The following PAXIP1 variants were observed in gnomAD, a reference collection of about 807,000 sequenced individuals.
PAXIP1 encodes the protein PAX-interacting protein 1.
Under a neutral mutation model 140.6 loss-of-function variants are expected in PAXIP1, and 19 were observed. The ratio of observed to expected loss-of-function variants is 0.14; its 90% confidence interval spans 0.09 to 0.20. The LOEUF (loss-of-function observed/expected upper bound fraction) is 0.20, where lower values mean the gene tolerates loss of function less well. Among genes scored for constraint, PAXIP1 ranks in the 10% least tolerant of loss-of-function variants. The pLI is 1.00. For synonymous variants in PAXIP1, 442 were observed against 444.6 expected, an observed-to-expected ratio of 0.99 and a Z score of 0.07; for missense variants, 920 against 1,208.6, an observed-to-expected ratio of 0.76 and a Z score of 3.54.
In PAXIP1 at chr7:154,960,807, G is replaced by T. The variant is rs1585047340; in HGVS notation, c.2434+86C>A. On this transcript the variant is annotated intron_variant, in intron 12 of 20. Transcript: ENST00000404141. ...TAATTAGAAAGCTCAAGCCAGGCCT[G>T]GTAATTAGTATGAATAAAAAGATGG... The T allele has an allele frequency of 8.4e-6, 8 of 948,374 alleles. No individual in the cohort carries two copies. In the South Asian group the frequency reaches 1.4e-4, roughly 17 times the overall value. 58.7% of individuals were successfully genotyped at this position (948,374 alleles called of 1,614,324 possible). A position where few individuals can be genotyped will look rare whatever the true frequency, so the allele number is the denominator to read the frequency against.
At chr7:154,959,029 G>C (rs1808647243) in intron 13 of PAXIP1, among the ~76,000 whole-genome samples, 1 of 152,202 alleles carries the variant, frequency 6.6e-6, no homozygotes, top group Admixed American at 6.5e-5. Flanking sequence ...GGCTTCCTCA[G>C]AGACGTGGGA....
At chr7:154,997,341 C>G (rs1810683699) in intron 2 of PAXIP1, among the ~76,000 whole-genome samples, 2 of 152,174 alleles carry the variant, frequency 1.3e-5, no homozygotes, top group Admixed American at 6.5e-5. Flanking sequence ...CAGCCTTGAA[C>G]TCCTGGCCTC....
At position 154,961,047 on chromosome 7, in the gene PAXIP1, T is replaced by C; in HGVS notation, c.2280A>G (p.Lys760=). 6.3e-7 allele frequency: 1 copy of C among 1,588,192 alleles called. No individual in the cohort carries two copies. The change falls in exon 12 of 21, where the codon AAA becomes AAG. Residue 760 remains lysine, a synonymous_variant. Coordinates refer to ENST00000404141, the MANE Select transcript of PAXIP1 (RefSeq NM_007349.4). ...CGTTGACACAGGGTATCCTCCACTC[T>C]TTGGCTTTTTCATACTTTAAACCAG... The part of the protein sequence containing the change: ...EPTGLKYEKA[K]EWRIPCVNAQ...
rs1306284639 is a variant in PAXIP1 at position 154,944,086 on chromosome 7, C to T, written c.*63G>A. 4 of 1,570,808 alleles carry T rather than the reference C, an allele frequency of 2.5e-6. No homozygotes were observed. The East Asian group carries it at 6.8e-5, about 27-fold the overall frequency. On this transcript the variant is annotated 3_prime_UTR_variant, in exon 21 of 21. Transcript: ENST00000404141. ...GCATGTGAAGGAAGCGCAGCAGCTC[C>T]TCGCCAGCCAGACAGCCAGCCCCGC...
Position 155,003,013 on chromosome 7 carries a change from C to G in PAXIP1, c.-84G>C, listed in dbSNP as rs571376365. On this transcript the variant is annotated 5_prime_UTR_variant, in exon 1 of 21. Coordinates refer to ENST00000404141, the MANE Select transcript of PAXIP1 (RefSeq NM_007349.4). ...CGGCCCCCGCGGCGCCCGGCGCCCC[C>G]ACTCGCCCCGCCAACGGCCCTGCCC... 0.024 allele frequency: 12,002 copies of G among 491,014 alleles called. 709 individuals carry two copies. Among genetic ancestry groups the G allele is most frequent in the African/African-American group, 0.16 (7,415 of 45,996 alleles). 30.4% of individuals were successfully genotyped at this position (491,014 alleles called of 1,614,324 possible). A position where few individuals can be genotyped will look rare whatever the true frequency, so the allele number is the denominator to read the frequency against.
At chr7:154,995,310 C>A (rs916307348) in intron 2 of PAXIP1, among the ~76,000 whole-genome samples, 2 of 152,200 alleles carry the variant, frequency 1.3e-5, no homozygotes, top group Admixed American at 1.3e-4. Context: ...CACCTTACAA[C>A]CATCCACACA....
At chr7:154,953,675 T>A (rs1212938512) in intron 16 of PAXIP1, among the ~76,000 whole-genome samples, 1 of 152,088 alleles carries the variant, frequency 6.6e-6, no homozygotes, top group Non-Finnish European at 1.5e-5. Flanking sequence ...AGAAAAAAAA[T>A]TGCTTAGAAT....
intron 3 of PAXIP1, among the ~76,000 whole-genome samples, chr7:154,991,781 A>G (rs73493768): frequency 0.07 from 10,654 of 152,276 alleles, 925 homozygotes; most frequent in East Asian, 0.19. Context: ...CAGAGCAAAC[A>G]ATGACTTTTT....
Position 154,954,209 on chromosome 7 carries a change from A to C in PAXIP1, c.2821+46T>G. On this transcript the variant is annotated intron_variant, in intron 16 of 20. Transcript: ENST00000404141. The surrounding 1 kb of genome is among the most constrained non-coding windows in gnomAD (Gnocchi z 5.1). ...AAAGAGATGAATTCAAGAAAAAAAA[A>C]AGTTTATTTGGCATTAAAAGCAAAG... 7.7e-7 allele frequency: 1 copy of C among 1,293,254 alleles called. No homozygotes were observed. Among genetic ancestry groups the C allele is most frequent in the Non-Finnish European group, 1.0e-6 (1 of 984,808 alleles). The allele number at this position is 1,293,254 out of a possible 1,614,324, so 80.1% of individuals were successfully genotyped here.
At position 154,983,234 on chromosome 7, in the gene PAXIP1, A is replaced by T. The variant is rs936747347; in HGVS notation, c.423T>A (p.Val141=). Residue 141 remains valine (V), a synonymous_variant, in exon 5 of 21, where the codon GTT becomes GTA. Coordinates refer to ENST00000404141, the MANE Select transcript of PAXIP1 (RefSeq NM_007349.4). ...AAACGCTTACCCCCTTTGGCTCTGG[A>T]ACAATCAAATGCGTGCATTTCTTAT... is the stretch of plus-strand genomic sequence containing the variant. The part of the protein sequence containing the change: ...TLNKKCTHLI[V]PEPKGEKYEC... 1 of 1,600,828 alleles carries T rather than the reference A, an allele frequency of 6.2e-7. No individual in the cohort carries two copies. The highest frequency in any genetic ancestry group is 8.5e-7 in the Non-Finnish European group (1 of 1,172,822).
chr7:154,955,349 G>A (rs1585042198), intron 15 of PAXIP1, among the ~76,000 whole-genome samples, 180 bp downstream of exon 15: 1 of 152,140 alleles, frequency 6.6e-6, no homozygotes, highest in South Asian at 2.1e-4. Context: ...AACAGGGCAG[G>A]AAGCCACTAA....
At chr7:154,979,726 T>C (rs780931220) in intron 5 of PAXIP1, among the ~76,000 whole-genome samples, 11 of 151,922 alleles carry the variant, frequency 7.2e-5, no homozygotes, top group Admixed American at 1.3e-4. Context: ...TGCCAGAATA[T>C]ATGGTTCCTT....
chr7:154,990,894 C>T (rs1810300521), intron 4 of PAXIP1, 112 bp downstream of exon 4: 1 of 602,042 alleles, frequency 1.7e-6, no homozygotes, highest in African/African-American at 2.0e-5. Context: ...AATACACAGT[C>T]AGTTTAGAAA....
chr7:154,955,591 C>T lies in PAXIP1; in HGVS notation c.2590G>A (p.Glu864Lys), dbSNP rs757880006. ...GTGAAAAGCACAAAAGGGGTCAATTCTGGAGTTAGCTTTTTAGTGGGAGGT... is the reference window on the plus strand; with the variant it reads ...GTGAAAAGCACAAAAGGGGTCAATTTTGGAGTTAGCTTTTTAGTGGGAGGT... ...VPPPTKKLTPELTPFVLFTGF... is the reference protein window; with the variant it reads ...VPPPTKKLTPKLTPFVLFTGF... The change falls in exon 15 of 21, where the codon GAA becomes AAA. Residue 864 changes from glutamate (E) to lysine (K), a missense_variant. Around this residue, in one of 5 missense-constraint regions of PAXIP1, gnomAD observed 303 missense variants for 517.9 expected, o/e 0.59. Transcript: ENST00000404141. The T allele has an allele frequency of 6.2e-7, 1 of 1,601,094 alleles. No individual in the cohort carries two copies. The highest frequency in any genetic ancestry group is 1.1e-5 in the South Asian group (1 of 88,556).
Position 154,975,991 on chromosome 7 carries a change from T to C in PAXIP1, c.779A>G (p.Gln260Arg), listed in dbSNP as rs1037840021. 6.2e-7 allele frequency: 1 copy of C among 1,613,692 alleles called. No individual in the cohort carries two copies. The highest frequency in any genetic ancestry group is 1.7e-5 in the Admixed American group (1 of 59,988). Residue 260 changes from glutamine (Q) to arginine (R), a missense_variant, in exon 6 of 21, where the codon CAG (glutamine) becomes CGG (arginine). Gln to Arg is a conservative substitution (Grantham distance 43, BLOSUM62 1). Around this residue, in one of 5 missense-constraint regions of PAXIP1, gnomAD observed 419 missense variants for 514.7 expected, o/e 0.81. Transcript: ENST00000404141. Reference sequence around the variant, plus strand: ...CGGGGTCCAGTTTAAATTTCTCTCCTGTTTTTCCGGTGATGAATCTGAAGA... The same window carrying C: ...CGGGGTCCAGTTTAAATTTCTCTCCCGTTTTTCCGGTGATGAATCTGAAGA... ...DDSSDSSPEK[Q>R]ERNLNWTPAE...
At position 154,968,753 on chromosome 7, in the gene PAXIP1, C is replaced by T. The variant is rs928291763; in HGVS notation, c.1448G>A (p.Arg483His). Residue 483 changes from arginine (R) to histidine (H), a missense_variant, in exon 7 of 21, where the codon CGC becomes CAC. By Grantham distance (29) the Arg-to-His change is conservative. Coordinates refer to ENST00000404141, the MANE Select transcript of PAXIP1 (RefSeq NM_007349.4). The part of the protein sequence containing the change: ...QQLHPPQQLH[R>H]PQQQLQPFQQ... ...AAAGGGCTGGAGCTGCTGCTGAGGG[C>T]GATGCAGCTGCTGTGGAGGATGCAA... The T allele has an allele frequency of 2.8e-6, 2 of 718,198 alleles. No individual in the cohort carries two copies. The allele number at this position is 718,198 out of a possible 1,614,324, so 44.5% of individuals were successfully genotyped here.
At chr7:155,000,750 A>G (rs1000804447) in intron 1 of PAXIP1, 2 of 152,232 alleles carry the variant, frequency 1.3e-5, no homozygotes, top group African/African-American at 4.8e-5. Flanking sequence ...TTTATCTCAT[A>G]TCACTCTGTT....
intron 1 of PAXIP1, chr7:155,000,491 T>G (rs1286769801): frequency 6.6e-6 from 1 of 152,442 alleles, no homozygotes; most frequent in Admixed American, 6.5e-5. Context: ...TCCACGCGCT[T>G]GTGATGCAAC....
chr7:154,975,283 C>T (rs1276142939), intron 6 of PAXIP1, among the ~76,000 whole-genome samples: 1 of 152,130 alleles, frequency 6.6e-6, no homozygotes, highest in Non-Finnish European at 1.5e-5. Context: ...TCAACAAATG[C>T]ATGAATTTGT....
Sources: allele counts gnomAD v4.1 joint callset (sites outside exome capture counted in the v4.1 genomes callset), GRCh38; gene constraint gnomAD v4.1.1; regional missense constraint gnomAD v4.1.1; non-coding constraint Gnocchi (gnomAD v3.1); transcripts MANE v1.5; gene names NCBI Gene and HGNC (gene_info 2026-07-23, HGNC 2026-07-21).